Variants in CCR3 observed in about 807,000 individuals in gnomAD.
CCR3 encodes the protein C-C motif chemokine receptor 3, also known as C-C chemokine receptor type 3.
For synonymous variants in CCR3, 203 were observed against 179.2 expected (o/e 1.13, Z -1.06); for missense variants, 419 against 437.5 (o/e 0.96, Z 0.38).
At chr3:46,235,216 T>G (rs930290742) in intron 2 of CCR3, among the ~76,000 whole-genome samples, 9 of 152,196 alleles carry the variant, frequency 5.9e-5, no homozygotes, top group Admixed American at 4.6e-4. Flanking sequence ...TATCTTAACT[T>G]GCTCAGATCC....
chr3:46,212,158 A>G (rs1202239274), intron 2 of CCR3, among the ~76,000 whole-genome samples: 1 of 152,132 alleles, frequency 6.6e-6, no homozygotes, highest in African/African-American at 2.4e-5. Flanking sequence ...TTTAACCAAG[A>G]CGGGGCAGGG....
Position 46,249,531 on chromosome 3 carries a change from A to G in CCR3, c.-12+6993A>G, listed in dbSNP as rs749467212. On this transcript the variant is annotated intron_variant, in intron 1 of 1. Coordinates refer to ENST00000395940, the MANE Select transcript of CCR3 (RefSeq NM_178329.3). ...AGTTACCTAAAGCTCGGCATCTGTG[A>G]TGGTCTATGGGGCTTCCGAGGCGAT... Among the ~76,000 whole-genome samples, 30 of 152,236 alleles carry G rather than the reference A, an allele frequency of 2.0e-4. 1 individual carries two copies. The highest frequency in any genetic ancestry group is 3.4e-3 in the Middle Eastern group (1 of 294).
At chr3:46,259,180 C>T (rs1700479565) in intron 1 of CCR3, among the ~76,000 whole-genome samples, 2 of 152,180 alleles carry the variant, frequency 1.3e-5, no homozygotes, top group Non-Finnish European at 1.5e-5. Flanking sequence ...GCTTGCAGGA[C>T]TGTAAGGCTA....
At chr3:46,243,008 C>CATATATATATATATAT (rs1248067512) in intron 1 of CCR3, among the ~76,000 whole-genome samples, 1 of 80,880 alleles carries the variant, frequency 1.2e-5, no homozygotes, top group African/African-American at 7.1e-5. Flanking sequence ...TATATACGCA[C>CATATATATATATATAT]ACACACATAC....
At chr3:46,225,298 T>C (rs534131954) in intron 2 of CCR3, among the ~76,000 whole-genome samples, 1 of 152,200 alleles carries the variant, frequency 6.6e-6, no homozygotes, top group Non-Finnish European at 1.5e-5. Context: ...TATGTGCACA[T>C]GCAAAAACTT....
intron 1 of CCR3, among the ~76,000 whole-genome samples, chr3:46,255,488 A>T (rs1461099113): frequency 6.6e-6 from 1 of 151,884 alleles, no homozygotes; most frequent in African/African-American, 2.4e-5. Flanking sequence ...TGTCTAGAAG[A>T]GTTCTTTTGA....
At position 46,266,140 on chromosome 3, in the gene CCR3, A is replaced by C. The variant is rs1575516073; in HGVS notation, c.982A>C (p.Ile328Leu). 1 of 1,614,052 alleles carries C rather than the reference A, an allele frequency of 6.2e-7. No individual in the cohort carries two copies. Among genetic ancestry groups the C allele is most frequent in the Non-Finnish European group, 8.5e-7 (1 of 1,179,986 alleles). The change falls in exon 2 of 2, where the codon ATC becomes CTC. Residue 328 changes from isoleucine (I) to leucine (L), a missense_variant. Coordinates refer to ENST00000395940, the MANE Select transcript of CCR3 (RefSeq NM_178329.3). ...CTTGCTCATGCACCTGGGCAGATAC[A>C]TCCCATTCCTTCCTAGTGAGAAGCT... Reference protein sequence around the residue: ...RHLLMHLGRYIPFLPSEKLER... With the variant: ...RHLLMHLGRYLPFLPSEKLER...
At chr3:46,221,628 A>G (rs963248634) in intron 2 of CCR3, among the ~76,000 whole-genome samples, 1 of 152,080 alleles carries the variant, frequency 6.6e-6, no homozygotes, top group Non-Finnish European at 1.5e-5. Flanking sequence ...TCCCTTTTCT[A>G]GACTTTTAGT....
chr3:46,212,698 C>A (rs940463114), intron 2 of CCR3, among the ~76,000 whole-genome samples: 28 of 152,158 alleles, frequency 1.8e-4, no homozygotes, highest in African/African-American at 6.3e-4. Context: ...GCCAAGACTT[C>A]TTTGCCCCCT....
At chr3:46,237,101 CT>C (rs1279421809) in intron 2 of CCR3, among the ~76,000 whole-genome samples, 1 of 151,812 alleles carries the variant, frequency 6.6e-6, no homozygotes, top group African/African-American at 2.4e-5. Flanking sequence ...ACCACATTTT[CT>C]TTATCTATTC....
intron 2 of CCR3, among the ~76,000 whole-genome samples, chr3:46,230,149 G>A (rs1218208808): frequency 6.6e-6 from 1 of 152,100 alleles, no homozygotes; most frequent in East Asian, 1.9e-4. Flanking sequence ...GCATAGGAAA[G>A]GTAAGAAGGA....
intron 2 of CCR3, among the ~76,000 whole-genome samples, chr3:46,218,718 A>G (rs1383511729): frequency 6.6e-6 from 1 of 152,158 alleles, no homozygotes; most frequent in Non-Finnish European, 1.5e-5. Flanking sequence ...ACAGAAGTAA[A>G]AACAAAAATC....
intron 2 of CCR3, among the ~76,000 whole-genome samples, chr3:46,232,253 C>T (rs1464157582): frequency 6.6e-6 from 1 of 152,136 alleles, no homozygotes; most frequent in East Asian, 1.9e-4. Flanking sequence ...TATGTTGAAG[C>T]TAATTTGAAC....
upstream of CCR3, among the ~76,000 whole-genome samples, chr3:46,241,793 G>C (rs924525383): frequency 6.6e-6 from 1 of 152,088 alleles, no homozygotes; most frequent in African/African-American, 2.4e-5. Context: ...AGAATAATTA[G>C]TTTATTCCTT....
chr3:46,252,058 G>C (rs1241721434), intron 1 of CCR3, among the ~76,000 whole-genome samples: 2 of 152,040 alleles, frequency 1.3e-5, no homozygotes, highest in African/African-American at 4.8e-5. Context: ...GGGCTCAGAG[G>C]CCTGACACTT....
upstream of CCR3, among the ~76,000 whole-genome samples, chr3:46,240,346 C>T (rs1289998667): frequency 6.6e-6 from 1 of 152,182 alleles, no homozygotes; most frequent in Non-Finnish European, 1.5e-5. Flanking sequence ...CATTAGGATG[C>T]AAGCATATCT....
chr3:46,219,135 G>A (rs1319602149), intron 2 of CCR3, among the ~76,000 whole-genome samples: 1 of 152,080 alleles, frequency 6.6e-6, no homozygotes, highest in Non-Finnish European at 1.5e-5. Context: ...TAAAGTTTCA[G>A]GATACAAAAT....
upstream of CCR3, among the ~76,000 whole-genome samples, chr3:46,237,979 C>T (rs966881220): frequency 6.6e-6 from 1 of 152,232 alleles, no homozygotes; most frequent in African/African-American, 2.4e-5. Flanking sequence ...GATCTGCTTA[C>T]ATTTCCTAGT....
At chr3:46,256,563 A>G (rs773205268) in intron 1 of CCR3, among the ~76,000 whole-genome samples, 6 of 151,834 alleles carry the variant, frequency 4.0e-5, no homozygotes, top group Non-Finnish European at 3.0e-5. Context: ...CACAATAGGG[A>G]ATAATATATA....
Sources: allele counts gnomAD v4.1 joint callset (sites outside exome capture counted in the v4.1 genomes callset), GRCh38; gene constraint gnomAD v4.1.1; transcripts MANE v1.5; gene names NCBI Gene and HGNC (gene_info 2026-07-23, HGNC 2026-07-21).